Variants in PROS1 observed in about 807,000 individuals in gnomAD.
PROS1 encodes the protein protein S, also known as vitamin K-dependent protein S.
PROS1 carries 29 observed loss-of-function variants against 75.9 expected under a neutral mutation model. The ratio of observed to expected loss-of-function variants is 0.38; its 90% CI spans 0.28 to 0.52. The LOEUF (loss-of-function observed/expected upper bound fraction) is 0.52. PROS1 is among the 20% of genes least tolerant of loss of function. The probability of loss-of-function intolerance (pLI) is 0.83; values close to 1 mark genes in which losing one functional copy is unlikely to be tolerated. For synonymous variants in PROS1, 245 were observed against 280.6 expected (o/e 0.87, Z 1.27); for missense variants, 680 against 810.3 (o/e 0.84, Z 1.95).
chr3:93,935,976 C>T (rs1194047159), intron 1 of PROS1, among the ~76,000 whole-genome samples: 1 of 148,952 alleles, frequency 6.7e-6, no homozygotes, highest in Non-Finnish European at 1.5e-5. Context: ...AAAAAGTCAG[C>T]CACAGACAAA....
At chr3:93,930,212 T>C (rs1576200190) in intron 1 of PROS1, among the ~76,000 whole-genome samples, 2 of 152,312 alleles carry the variant, frequency 1.3e-5, no homozygotes, top group South Asian at 4.1e-4. Context: ...AGAACGTATA[T>C]AAAAGATGGT....
At chr3:93,937,372 T>C (rs1182875492) in intron 1 of PROS1, among the ~76,000 whole-genome samples, 1 of 150,860 alleles carries the variant, frequency 6.6e-6, no homozygotes, top group Non-Finnish European at 1.5e-5. Flanking sequence ...GAGTTGATTT[T>C]TTTTTTTTTT....
intron 12 of PROS1, among the ~76,000 whole-genome samples, chr3:93,881,749 A>C (rs950307129): frequency 3.9e-5 from 6 of 152,034 alleles, no homozygotes; most frequent in African/African-American, 1.2e-4. Flanking sequence ...TTGTGAAGAT[A>C]GGGTTTCACC....
chr3:93,972,075 C>T (rs1162310947), intron 1 of PROS1, among the ~76,000 whole-genome samples: 4 of 152,140 alleles, frequency 2.6e-5, no homozygotes, highest in Non-Finnish European at 5.9e-5. Context: ...ATAATTTTTA[C>T]CTCTGCCTAG....
intron 1 of PROS1, among the ~76,000 whole-genome samples, chr3:93,942,449 T>C (rs1709303994): frequency 6.6e-6 from 1 of 152,188 alleles, no homozygotes; most frequent in Non-Finnish European, 1.5e-5. Flanking sequence ...AGTCATATAC[T>C]GCAAGGGCCA....
intron 1 of PROS1, among the ~76,000 whole-genome samples, chr3:93,940,997 C>T (rs1709277756): frequency 6.6e-6 from 1 of 152,106 alleles, no homozygotes; most frequent in South Asian, 2.1e-4. Flanking sequence ...CTCACTATTC[C>T]ATTCTTGATC....
At chr3:93,953,955 A>G (rs1205261202) in intron 1 of PROS1, among the ~76,000 whole-genome samples, 1 of 152,230 alleles carries the variant, frequency 6.6e-6, no homozygotes, top group East Asian at 1.9e-4. Flanking sequence ...CCAAATCATG[A>G]GTGAACTCCC....
chr3:93,947,606 G>A (rs372369853), intron 1 of PROS1, among the ~76,000 whole-genome samples: 12 of 151,888 alleles, frequency 7.9e-5, no homozygotes, highest in East Asian at 5.8e-4. Flanking sequence ...TCGCTCTGTC[G>A]CTCAGGCTGG....
intron 1 of PROS1, among the ~76,000 whole-genome samples, chr3:93,954,546 C>T (rs1477151816): frequency 6.6e-6 from 1 of 152,128 alleles, no homozygotes; most frequent in Non-Finnish European, 1.5e-5. Context: ...AAACTGGATC[C>T]CTTCCTTACA....
intron 4 of PROS1, among the ~76,000 whole-genome samples, chr3:93,909,046 A>G (rs944372334): frequency 1.3e-5 from 2 of 152,236 alleles, no homozygotes; most frequent in African/African-American, 4.8e-5. Flanking sequence ...AAAGTAAACC[A>G]TAAAAACACT....
intron 2 of PROS1, among the ~76,000 whole-genome samples, 180 bp downstream of exon 2, chr3:93,927,070 C>G (rs1709028985): frequency 6.6e-6 from 1 of 152,192 alleles, no homozygotes; most frequent in Non-Finnish European, 1.5e-5. Context: ...ATCATGTCTG[C>G]CTAACAAGCC....
At chr3:93,965,304 C>G (rs2107266531) in intron 1 of PROS1, among the ~76,000 whole-genome samples, 1 of 152,320 alleles carries the variant, frequency 6.6e-6, no homozygotes, top group East Asian at 1.9e-4. Flanking sequence ...CGTCGCAGAC[C>G]CGCTGCTGAC....
chr3:93,949,368 G>T (rs1423741135), intron 1 of PROS1, among the ~76,000 whole-genome samples: 1 of 152,130 alleles, frequency 6.6e-6, no homozygotes, highest in Non-Finnish European at 1.5e-5. Flanking sequence ...CATTTGGCAG[G>T]ATTTTACTAT....
chr3:93,903,416 G>A (rs893009204), intron 6 of PROS1, among the ~76,000 whole-genome samples: 7 of 151,984 alleles, frequency 4.6e-5, no homozygotes, highest in Non-Finnish European at 8.8e-5. Flanking sequence ...GTAATCCCAC[G>A]ACCTTGTGAG....
At chr3:93,946,350 C>T (rs2107234721) in intron 1 of PROS1, among the ~76,000 whole-genome samples, 1 of 152,290 alleles carries the variant, frequency 6.6e-6, no homozygotes, top group East Asian at 1.9e-4. Flanking sequence ...ATTGCCAAGA[C>T]AATCCTAAGA....
intron 1 of PROS1, among the ~76,000 whole-genome samples, chr3:93,930,320 T>C (rs1176920320): frequency 1.3e-5 from 2 of 152,238 alleles, no homozygotes; most frequent in Admixed American, 6.5e-5. Flanking sequence ...ATCTCATTTA[T>C]TTTAAGTAGT....
chr3:93,914,001 C>T (rs1386377000), intron 3 of PROS1, among the ~76,000 whole-genome samples: 1 of 152,222 alleles, frequency 6.6e-6, no homozygotes. Flanking sequence ...TATAGTTTTC[C>T]TTGACTCTAT....
chr3:93,919,400 T>G (rs1279251631), intron 3 of PROS1, among the ~76,000 whole-genome samples: 4 of 143,532 alleles, frequency 2.8e-5, no homozygotes, highest in Admixed American at 7.5e-5. Context: ...GAAAGTTTTC[T>G]TCTTTGAAAA....
At chr3:93,953,156 A>T (rs1288185492) in intron 1 of PROS1, among the ~76,000 whole-genome samples, 1 of 152,230 alleles carries the variant, frequency 6.6e-6, no homozygotes, top group Non-Finnish European at 1.5e-5. Flanking sequence ...ACATAAAAAG[A>T]GTTGTTACCA....
Sources: allele counts gnomAD v4.1 joint callset (sites outside exome capture counted in the v4.1 genomes callset), GRCh38; gene constraint gnomAD v4.1.1; transcripts MANE v1.5; gene names NCBI Gene and HGNC (gene_info 2026-07-23, HGNC 2026-07-21).